The following CDH18 variants were observed in gnomAD, a reference collection of about 807,000 sequenced individuals.
The protein encoded by CDH18 is cadherin-18.
A neutral mutation model predicts 67.9 loss-of-function variants in CDH18; 31 were observed. That is an observed-to-expected ratio of 0.46 (90% CI 0.34 to 0.62). CDH18 has a LOEUF of 0.62. Among genes scored for constraint, CDH18 ranks in the 20% least tolerant of loss-of-function variants. The pLI is 0.01. For synonymous variants in CDH18, 362 were observed against 347.2 expected (o/e 1.04, Z -0.48); for missense variants, 890 against 975.5 (o/e 0.91, Z 1.17).
At chr5:20,181,860 G>A (rs751511817) in intron 2 of CDH18, among the ~76,000 whole-genome samples, 9 of 152,074 alleles carry the variant, frequency 5.9e-5, no homozygotes, top group Non-Finnish European at 1.2e-4. Context: ...GATGTTACAT[G>A]TTTAAAGCCA....
chr5:19,765,717 G>C (rs566202301), intron 3 of CDH18, among the ~76,000 whole-genome samples: 6 of 152,148 alleles, frequency 3.9e-5, no homozygotes, highest in African/African-American at 1.4e-4. Context: ...CAGTTAAAGA[G>C]TGTCTTTTTA....
chr5:20,021,192 T>C (rs1245827483), intron 2 of CDH18, among the ~76,000 whole-genome samples: 1 of 152,100 alleles, frequency 6.6e-6, no homozygotes, highest in East Asian at 1.9e-4. Flanking sequence ...GATGCCTGTA[T>C]CCTCATTAAA....
At chr5:20,509,048 GTTAA>G (rs1051347838) in intron 1 of CDH18, among the ~76,000 whole-genome samples, 11 of 152,180 alleles carry the variant, frequency 7.2e-5, no homozygotes, top group East Asian at 1.9e-4. Flanking sequence ...ACTAAATTGA[GTTAA>G]TTAATGTGCT....
At chr5:19,693,938 A>G (rs574217306) in intron 5 of CDH18, among the ~76,000 whole-genome samples, 231 of 151,874 alleles carry the variant, frequency 1.5e-3, no homozygotes, top group African/African-American at 5.4e-3. Flanking sequence ...GCCTCTAGAT[A>G]ATATTAAGGG....
intron 1 of CDH18, among the ~76,000 whole-genome samples, chr5:20,341,050 C>A (rs1015982916): frequency 6.6e-6 from 1 of 152,168 alleles, no homozygotes; most frequent in African/African-American, 2.4e-5. Flanking sequence ...GGCAGGGCTA[C>A]AACCACCATA....
intron 2 of CDH18, among the ~76,000 whole-genome samples, chr5:20,155,090 T>C (rs1423544158): frequency 6.6e-6 from 1 of 152,186 alleles, no homozygotes; most frequent in Admixed American, 6.6e-5. Flanking sequence ...ACTTTCTTTT[T>C]ATATTTAATA....
intron 3 of CDH18, among the ~76,000 whole-genome samples, chr5:19,771,805 A>G (rs1326197780): frequency 2.0e-5 from 3 of 152,222 alleles, no homozygotes; most frequent in Non-Finnish European, 4.4e-5. Context: ...ACTAAGCTGT[A>G]GTTAGAGAAA....
At position 19,668,632 on chromosome 5, in the gene CDH18, G is replaced by A. The variant is rs538998886; in HGVS notation, c.643+52715C>T. Among the ~76,000 whole-genome samples, 254 of 152,126 alleles carry A rather than the reference G, an allele frequency of 1.7e-3. 1 individual carries two copies. Among genetic ancestry groups the A allele is most frequent in the African/African-American group, 5.8e-3 (242 of 41,522 alleles). On this transcript the variant is annotated intron_variant, in intron 5 of 12. Coordinates refer to ENST00000382275, the MANE Select transcript of CDH18 (RefSeq NM_004934.5). ...AGTGAGAGTCAAAAGAGCTCAGTGTGGTTTAAAAGATGTGTGAATGAGTTT... is the reference window on the plus strand; with the variant it reads ...AGTGAGAGTCAAAAGAGCTCAGTGTAGTTTAAAAGATGTGTGAATGAGTTT...
At chr5:20,354,444 T>C (rs1741443932) in intron 1 of CDH18, among the ~76,000 whole-genome samples, 1 of 152,172 alleles carries the variant, frequency 6.6e-6, no homozygotes, top group African/African-American at 2.4e-5. Flanking sequence ...GGACAGGGTC[T>C]TCCTCCAACA....
chr5:20,239,119 A>G (rs1742695619), intron 2 of CDH18, among the ~76,000 whole-genome samples: 1 of 152,170 alleles, frequency 6.6e-6, no homozygotes, highest in Non-Finnish European at 1.5e-5. Flanking sequence ...AACACAAGGA[A>G]CTAGGGAAAA....
At chr5:19,651,521 CAAAG>C (rs944300246) in intron 5 of CDH18, among the ~76,000 whole-genome samples, 4 of 152,084 alleles carry the variant, frequency 2.6e-5, no homozygotes, top group Admixed American at 2.6e-4. Context: ...CAAATTCTGT[CAAAG>C]AAGACGTTAA....
At chr5:20,037,693 C>T (rs1366549763) in intron 2 of CDH18, among the ~76,000 whole-genome samples, 2 of 152,092 alleles carry the variant, frequency 1.3e-5, no homozygotes, top group Non-Finnish European at 2.9e-5. Context: ...CTCTGCGACA[C>T]AGCTAAAGCA....
chr5:19,591,121 C>A lies in CDH18; in HGVS notation c.935G>T (p.Gly312Val). Residue 312 changes from glycine (G) to valine (V), a missense_variant, in exon 7 of 13, where the codon GGC becomes GTC. By Grantham distance (109) the Gly-to-Val change is moderately radical (BLOSUM62 -3). Around this residue, in one of 2 missense-constraint regions of CDH18, gnomAD observed 656 missense variants for 668.1 expected, o/e 0.98. Coordinates refer to ENST00000382275, the MANE Select transcript of CDH18 (RefSeq NM_004934.5). ...DMTYSIINGD[G>V]MGIFSISTDK... ...AGTGGAGATTGAGAATATTCCCATG[C>A]CATCACCATTTATGATGGAGTAGGT... 1 of 1,611,340 alleles carries A rather than the reference C, an allele frequency of 6.2e-7. No individual in the cohort carries two copies. The highest frequency in any genetic ancestry group is 8.5e-7 in the Non-Finnish European group (1 of 1,178,112).
intron 1 of CDH18, among the ~76,000 whole-genome samples, chr5:20,339,670 C>G (rs1168495264): frequency 6.6e-6 from 1 of 152,072 alleles, no homozygotes; most frequent in Non-Finnish European, 1.5e-5. Context: ...TTACTCATGC[C>G]CCTAGAAAAG....
At chr5:19,580,004 C>G (rs1201493774) in intron 7 of CDH18, among the ~76,000 whole-genome samples, 1 of 151,720 alleles carries the variant, frequency 6.6e-6, no homozygotes, top group Non-Finnish European at 1.5e-5. Context: ...TCCAACTGGT[C>G]AGAAGTTTTT....
At chr5:19,729,704 G>A (rs2150625658) in intron 4 of CDH18, among the ~76,000 whole-genome samples, 1 of 152,290 alleles carries the variant, frequency 6.6e-6, no homozygotes, top group South Asian at 2.1e-4. Context: ...CTCCTCTGCA[G>A]CCCTGTAGAA....
chr5:20,376,437 A>G (rs1378346658), intron 1 of CDH18, among the ~76,000 whole-genome samples: 1 of 151,754 alleles, frequency 6.6e-6, no homozygotes, highest in African/African-American at 2.4e-5. Context: ...TACTTTGGAG[A>G]TGCCATTTTA....
chr5:20,424,173 AT>A (rs1005430010), intron 1 of CDH18, among the ~76,000 whole-genome samples: 7 of 150,780 alleles, frequency 4.6e-5, no homozygotes, highest in Admixed American at 4.6e-4. Flanking sequence ...TTAATAAGGA[AT>A]TTTTATTCAG....
chr5:20,455,589 T>C (rs1455194749), intron 1 of CDH18, among the ~76,000 whole-genome samples: 1 of 152,112 alleles, frequency 6.6e-6, no homozygotes, highest in Non-Finnish European at 1.5e-5. Flanking sequence ...ATGCCTTATG[T>C]AGAAAATCAT....
Sources: gnomAD v4.1 joint callset for allele counts (sites outside exome capture counted in the v4.1 genomes callset) on GRCh38, gnomAD v4.1.1 for gene constraint, gnomAD v4.1.1 regional missense constraint, MANE v1.5 for transcripts, NCBI Gene and HGNC (gene_info 2026-07-23, HGNC 2026-07-21) for gene names.